Variants in PLCE1 observed in about 807,000 individuals in gnomAD.
PLCE1 encodes 1-phosphatidylinositol 4,5-bisphosphate phosphodiesterase epsilon-1.
PLCE1 carries 119 observed loss-of-function variants against 242.8 expected under a neutral mutation model. That is an observed-to-expected ratio of 0.49 (90% confidence interval 0.42 to 0.57). PLCE1 has a LOEUF of 0.57. PLCE1 is among the 20% of genes least tolerant of loss of function. The probability of loss-of-function intolerance (pLI) is 0.00; values close to 1 mark genes in which losing one functional copy is unlikely to be tolerated. For synonymous variants in PLCE1, 945 were observed against 1,017.4 expected (o/e 0.93, Z 1.35); for missense variants, 2,441 against 2,788.8 (o/e 0.88, Z 2.81).
intron 1 of PLCE1, among the ~76,000 whole-genome samples, chr10:94,005,201 A>G (rs1192180688): frequency 6.6e-6 from 1 of 152,210 alleles, no homozygotes. Context: ...ACTAGAATGT[A>G]CAAGGAGAGA....
chr10:94,004,100 C>T (rs2911858), intron 1 of PLCE1, among the ~76,000 whole-genome samples: 80,072 of 151,580 alleles, frequency 0.53, 21,993 homozygotes, highest in East Asian at 0.73. Flanking sequence ...GAGCTGAGAT[C>T]GCGCCACTGC....
intron 3 of PLCE1, chr10:94,138,144 C>T: frequency 5.1e-6 from 2 of 392,600 alleles, no homozygotes; most frequent in Admixed American, 3.0e-5. Flanking sequence ...AACCAGACTG[C>T]ACCATGCAAA....
In PLCE1 at chr10:94,076,430, G is replaced by T. The variant is rs2044503909; in HGVS notation, c.1206+44178G>T. Among the ~76,000 whole-genome samples, 3 of 152,132 alleles carry T rather than the reference G, an allele frequency of 2.0e-5. No homozygotes were observed. The South Asian group carries it at 6.2e-4, about 32-fold the overall frequency. On this transcript the variant is annotated intron_variant, in intron 2 of 32. Transcript: ENST00000371380. Reference sequence around the variant, plus strand: ...GAGATGTTGCTTTGTTGCAGTACAAGTTCAGAGGACAAAGGTCTTCCAGGG... The same window carrying T: ...GAGATGTTGCTTTGTTGCAGTACAATTTCAGAGGACAAAGGTCTTCCAGGG...
At chr10:94,235,666 T>G in intron 6 of PLCE1, 1 of 940,468 alleles carries the variant, frequency 1.1e-6, no homozygotes, top group Non-Finnish European at 1.3e-6. Flanking sequence ...ATAATATTTT[T>G]TTTGTTTTAA....
At position 94,031,075 on chromosome 10, in the gene PLCE1, T is replaced by C; in HGVS notation, c.29T>C (p.Val10Ala). Residue 10 changes from valine to alanine, a missense_variant, in exon 2 of 33, where the codon GTT becomes GCT. Val to Ala is a moderately conservative substitution (Grantham distance 64). This residue lies in a region of PLCE1 where 393 missense variants were observed against 378.5 expected (regional missense o/e 1.04). Coordinates refer to ENST00000371380, the MANE Select transcript of PLCE1 (RefSeq NM_016341.4). ...ACTTCTGAAGAAATGACAGCTTCTGTTCTCATACCTGTGACTCAGAGAAAA... is the reference window on the plus strand; with the variant it reads ...ACTTCTGAAGAAATGACAGCTTCTGCTCTCATACCTGTGACTCAGAGAAAA... MTSEEMTAS[V>A]LIPVTQRKVV... 6.2e-7 allele frequency: 1 copy of C among 1,613,722 alleles called. No homozygotes were observed. The highest frequency in any genetic ancestry group is 1.1e-5 in the South Asian group (1 of 91,084).
chr10:94,212,488 C>T (rs2049374029), intron 4 of PLCE1, among the ~76,000 whole-genome samples: 1 of 152,138 alleles, frequency 6.6e-6, no homozygotes, highest in Non-Finnish European at 1.5e-5. Context: ...GATCTCCTGA[C>T]CTTGTGATCC....
chr10:94,093,239 G>A (rs1386120877), intron 2 of PLCE1, among the ~76,000 whole-genome samples: 1 of 152,174 alleles, frequency 6.6e-6, no homozygotes, highest in Non-Finnish European at 1.5e-5. Flanking sequence ...ATTATAATCT[G>A]TATGTAAAAT....
chr10:94,179,511 A>ATTTTTTTTTTTTTTTTTT (rs1564761610), intron 4 of PLCE1, among the ~76,000 whole-genome samples: 13 of 12,398 alleles, frequency 1.0e-3, no homozygotes, highest in Admixed American at 1.5e-3. Context: ...ATTTTAGTTT[A>ATTTTTTTTTTTTTTTTTT]GTTTTTTTTT....
At chr10:94,046,390 G>A (rs2061883849) in intron 2 of PLCE1, among the ~76,000 whole-genome samples, 1 of 152,198 alleles carries the variant, frequency 6.6e-6, no homozygotes, top group African/African-American at 2.4e-5. Context: ...CCCAGGAAGA[G>A]CCAGTATGGT....
intron 2 of PLCE1, among the ~76,000 whole-genome samples, chr10:94,072,588 A>G (rs1162816279): frequency 6.6e-6 from 1 of 152,142 alleles, no homozygotes; most frequent in Non-Finnish European, 1.5e-5. Flanking sequence ...TGGCTCCTAT[A>G]GATATTTGAC....
At chr10:94,255,914 A>ACACTCTCTCTCTCTCTCTCTCT (rs1284531207) in intron 11 of PLCE1, among the ~76,000 whole-genome samples, 2 of 67,284 alleles carry the variant, frequency 3.0e-5, no homozygotes, top group Non-Finnish European at 5.5e-5. Context: ...ACACACACAC[A>ACACTCTCTCTCTCTCTCTCTCT]CTCTCTCTCT....
At chr10:94,266,661 G>A (rs1396605784) in intron 16 of PLCE1, among the ~76,000 whole-genome samples, 1 of 152,102 alleles carries the variant, frequency 6.6e-6, no homozygotes, top group Non-Finnish European at 1.5e-5. Flanking sequence ...GGGTCAATTC[G>A]GTTGGAGCCA....
intron 4 of PLCE1, among the ~76,000 whole-genome samples, chr10:94,204,711 GAAAAGA>G: frequency 6.8e-6 from 1 of 147,986 alleles, no homozygotes; most frequent in Admixed American, 6.9e-5. Context: ...AAGGAAGGAA[GAAAAGA>G]AGGAAGGAAG....
In PLCE1 at chr10:94,246,520, T is replaced by C. The variant is rs751871890; in HGVS notation, c.2995T>C (p.Phe999Leu). The C allele has an allele frequency of 1.6e-5, 26 of 1,613,956 alleles. No individual in the cohort carries two copies. The highest frequency in any genetic ancestry group is 2.2e-5 in the Non-Finnish European group (26 of 1,179,912). ...ACCAAAGCACACAGCTAAAATGCTCTTCAGCGGATTATTGGAACTCACTAG... is the reference window on the plus strand; with the variant it reads ...ACCAAAGCACACAGCTAAAATGCTCCTCAGCGGATTATTGGAACTCACTAG... ...VAPKHTAKML[F>L]SGLLELTRAV... is the part of the protein sequence containing the mutation. Residue 999 changes from phenylalanine (F) to leucine (L), a missense_variant, in exon 8 of 33, where the codon TTC becomes CTC. Phe to Leu is a conservative substitution (Grantham distance 22). Coordinates refer to ENST00000371380, the MANE Select transcript of PLCE1 (RefSeq NM_016341.4).
intron 2 of PLCE1, among the ~76,000 whole-genome samples, chr10:94,119,037 C>G (rs1159354325): frequency 6.6e-6 from 1 of 152,218 alleles, no homozygotes; most frequent in East Asian, 1.9e-4. Context: ...ATACCTCCAA[C>G]TAGACAGGAA....
At chr10:94,235,412 T>A (rs774985213) in intron 6 of PLCE1, among the ~76,000 whole-genome samples, 1 of 152,152 alleles carries the variant, frequency 6.6e-6, no homozygotes, top group Non-Finnish European at 1.5e-5. Context: ...CCTAATCAAC[T>A]GTATGAACAA....
rs569833148 is a variant in PLCE1 at position 94,024,815 on chromosome 10, C to T, written c.-364-5868C>T. 4.7e-4 allele frequency among the ~76,000 whole-genome samples: 71 copies of T among 152,162 alleles called. No homozygotes were observed. In the South Asian group the frequency reaches 0.013, roughly 27 times the overall value. On this transcript the variant is annotated intron_variant, in intron 1 of 32. Coordinates refer to ENST00000371380, the MANE Select transcript of PLCE1 (RefSeq NM_016341.4). ...AGTGACTATAACTTTCCCACCAATG[C>T]AGGAATTTTCTATAGAGGTTTCTTG...
intron 11 of PLCE1, among the ~76,000 whole-genome samples, chr10:94,256,149 C>T (rs1418740774): frequency 6.6e-6 from 1 of 150,980 alleles, no homozygotes; most frequent in Non-Finnish European, 1.5e-5. Flanking sequence ...CAACAGAAAC[C>T]CCATCTCTAC....
chr10:94,007,170 G>A (rs939742007), intron 1 of PLCE1, among the ~76,000 whole-genome samples: 5 of 152,176 alleles, frequency 3.3e-5, no homozygotes, highest in African/African-American at 1.2e-4. Context: ...GGATTAGGGA[G>A]AGGGAGAGAG....
Sources: gnomAD v4.1 joint callset for allele counts (sites outside exome capture counted in the v4.1 genomes callset) on GRCh38, gnomAD v4.1.1 for gene constraint, gnomAD v4.1.1 regional missense constraint, MANE v1.5 for transcripts, NCBI Gene and HGNC (gene_info 2026-07-23, HGNC 2026-07-21) for gene names.